The following FLT1 variants were observed in gnomAD, a reference collection of about 807,000 sequenced individuals.
The protein encoded by FLT1 is vascular endothelial growth factor receptor 1.
FLT1 carries 49 observed loss-of-function variants against 156.3 expected under a neutral mutation model. The ratio of observed to expected loss-of-function variants is 0.31; its 90% CI spans 0.25 to 0.40. FLT1 has a LOEUF of 0.40. Ranked by LOEUF, FLT1 falls within the 10% of genes least tolerant of loss-of-function variation. The pLI, the probability that FLT1 is intolerant of heterozygous loss-of-function variation, is 1.00. For synonymous variants in FLT1, 594 were observed against 583.8 expected, an observed-to-expected ratio of 1.02 and a Z score of -0.25; for missense variants, 1,322 against 1,637.2, an observed-to-expected ratio of 0.81 and a Z score of 3.32.
chr13:28,353,795 G>A (rs1872810108), intron 15 of FLT1, among the ~76,000 whole-genome samples: 1 of 152,120 alleles, frequency 6.6e-6, no homozygotes, highest in East Asian at 1.9e-4. Context: ...CCTCGTGCTG[G>A]CACTAGGTCC....
At chr13:28,306,110 G>T (rs907730412) in intron 29 of FLT1, among the ~76,000 whole-genome samples, 2 of 152,218 alleles carry the variant, frequency 1.3e-5, no homozygotes, top group South Asian at 4.1e-4. Flanking sequence ...GCATTCGGTG[G>T]TGCATAAGGC....
rs1242362485 is a variant in FLT1, at chr13:28,417,882, C to A, written c.1436+9277G>T. Among the ~76,000 whole-genome samples, 4 of 152,124 alleles carry A rather than the reference C, an allele frequency of 2.6e-5. No homozygotes were observed. In the East Asian group the frequency reaches 7.7e-4, roughly 29 times the overall value. On this transcript the variant is annotated intron_variant, in intron 10 of 29. Transcript: ENST00000282397. ...CTATGTCCCCATTTCATTCCCTCAT[C>A]AACTACAAACCCTCATGTTTCCTCC...
chr13:28,349,456 A>G (rs1453744270), intron 15 of FLT1, among the ~76,000 whole-genome samples: 1 of 132,246 alleles, frequency 7.6e-6, no homozygotes, highest in African/African-American at 2.6e-5. Context: ...ACACACACAC[A>G]CACATGCGCA....
At chr13:28,426,817 A>G (rs1877368413) in intron 10 of FLT1, among the ~76,000 whole-genome samples, 1 of 152,240 alleles carries the variant, frequency 6.6e-6, no homozygotes, top group Non-Finnish European at 1.5e-5. Context: ...TGCAACTGAC[A>G]TAGTGGTATT....
At chr13:28,303,850 A>G (rs912455477) in intron 29 of FLT1, among the ~76,000 whole-genome samples, 8 of 152,154 alleles carry the variant, frequency 5.3e-5, no homozygotes, top group African/African-American at 9.7e-5. Flanking sequence ...CTCAAAAAAC[A>G]ATAAAGCTCC....
At chr13:28,460,512 G>A (rs548735076) in intron 3 of FLT1, among the ~76,000 whole-genome samples, 14 of 152,152 alleles carry the variant, frequency 9.2e-5, no homozygotes, top group Admixed American at 2.0e-4. Context: ...CCAAGCCTCC[G>A]AGTGGGAAAA....
At chr13:28,387,686 T>C in intron 13 of FLT1, 1 of 1,062,692 alleles carries the variant, frequency 9.4e-7, no homozygotes, top group South Asian at 4.6e-5. Flanking sequence ...TTCCCCATTT[T>C]AGGCTCCTTT....
intron 27 of FLT1, among the ~76,000 whole-genome samples, chr13:28,309,713 G>C (rs988661696): frequency 8.5e-6 from 1 of 117,058 alleles, no homozygotes; most frequent in Admixed American, 1.3e-4. Flanking sequence ...TATTTAATCC[G>C]AACTAGTTTT....
intron 10 of FLT1, among the ~76,000 whole-genome samples, chr13:28,416,589 A>T (rs188032562): frequency 6.6e-6 from 1 of 152,356 alleles, no homozygotes; most frequent in Non-Finnish European, 1.5e-5. Flanking sequence ...CTCTTAGAGA[A>T]GTTCTGTGAT....
intron 1 of FLT1, among the ~76,000 whole-genome samples, chr13:28,483,258 G>A (rs1382438559): frequency 6.6e-6 from 1 of 152,124 alleles, no homozygotes; most frequent in Non-Finnish European, 1.5e-5. Flanking sequence ...TTTTAAAACT[G>A]TTTGTTTGTA....
chr13:28,424,592 T>C (rs1156491050), intron 10 of FLT1, among the ~76,000 whole-genome samples: 1 of 152,244 alleles, frequency 6.6e-6, no homozygotes, highest in Non-Finnish European at 1.5e-5. Context: ...ACATTAACTG[T>C]CTGGCCATAT....
At chr13:28,485,015 G>T (rs1476358437) in intron 1 of FLT1, among the ~76,000 whole-genome samples, 2 of 151,804 alleles carry the variant, frequency 1.3e-5, no homozygotes, top group South Asian at 4.2e-4. Flanking sequence ...ACACCAACAT[G>T]GCACATGTAT....
In FLT1 at chr13:28,303,245, C is replaced by T; in HGVS notation, c.3939G>A (p.Glu1313=). 6.2e-7 allele frequency: 1 copy of T among 1,613,904 alleles called. No homozygotes were observed. The highest frequency in any genetic ancestry group is 8.5e-7 in the Non-Finnish European group (1 of 1,180,010). ...AGCAGCACGCGATTTTCCTTTCCAG[C>T]TCAGCGTGGTCGTAGGTGAACCTGC... ...GKRRFTYDHA[E]LERKIACCSP... is the part of the protein sequence containing the mutation. Residue 1313 remains glutamate (E), a synonymous_variant, in exon 30 of 30, where the codon GAG becomes GAA. Transcript: ENST00000282397.
intron 1 of FLT1, among the ~76,000 whole-genome samples, chr13:28,475,214 G>T (rs1216192035): frequency 6.6e-6 from 1 of 152,090 alleles, no homozygotes; most frequent in Non-Finnish European, 1.5e-5. Flanking sequence ...CTATTTAAAT[G>T]GAAATTTTTA....
At chr13:28,372,070 A>ATTT (rs1565990447) in intron 14 of FLT1, among the ~76,000 whole-genome samples, 14 of 17,236 alleles carry the variant, frequency 8.1e-4, no homozygotes, top group Non-Finnish European at 1.6e-3. Context: ...ATATATATAT[A>ATTT]TATATATTTT....
intron 3 of FLT1, among the ~76,000 whole-genome samples, chr13:28,457,959 G>A (rs1304642972): frequency 1.9e-5 from 2 of 103,106 alleles, no homozygotes; most frequent in Admixed American, 2.3e-4. Flanking sequence ...TTTTGTGATG[G>A]AGTCTTGCTC....
intron 14 of FLT1, among the ~76,000 whole-genome samples, chr13:28,366,121 A>G (rs1016439058): frequency 1.3e-5 from 2 of 152,044 alleles, no homozygotes; most frequent in African/African-American, 4.8e-5. Flanking sequence ...TTTTTTTTTA[A>G]TGTTAAAGCT....
chr13:28,309,884 CTTTTTTTT>C (rs60568918), intron 27 of FLT1, among the ~76,000 whole-genome samples: 3 of 90,874 alleles, frequency 3.3e-5, no homozygotes, highest in African/African-American at 4.3e-5. Flanking sequence ...TTCTTTTTTC[CTTTTTTTT>C]TTTTTTTTTT....
intron 1 of FLT1, among the ~76,000 whole-genome samples, chr13:28,474,356 T>G (rs987530553): frequency 1.3e-5 from 2 of 152,114 alleles, no homozygotes; most frequent in Non-Finnish European, 2.9e-5. Flanking sequence ...CCTGGGAGGC[T>G]GAGGCATGAG....
Sources: gnomAD v4.1 joint callset for allele counts (sites outside exome capture counted in the v4.1 genomes callset) on GRCh38, gnomAD v4.1.1 for gene constraint, MANE v1.5 for transcripts, NCBI Gene and HGNC (gene_info 2026-07-23, HGNC 2026-07-21) for gene names.